The following MGAT5 variants were observed in gnomAD, a reference collection of about 807,000 sequenced individuals.
MGAT5 encodes alpha-1,6-mannosylglycoprotein 6-beta-N-acetylglucosaminyltransferase A.
Under a neutral mutation model 94.3 loss-of-function variants are expected in MGAT5, and 30 were observed. That is an observed-to-expected ratio of 0.32 (90% CI 0.24 to 0.43). The LOEUF (loss-of-function observed/expected upper bound fraction) is 0.43, where lower values mean the gene tolerates loss of function less well. MGAT5 is among the 20% of genes least tolerant of loss of function. The pLI is 1.00. For synonymous variants in MGAT5, 310 were observed against 322.9 expected, an observed-to-expected ratio of 0.96 and a Z score of 0.43; for missense variants, 691 against 905.5, an observed-to-expected ratio of 0.76 and a Z score of 3.04.
chr2:134,346,145 G>A (rs1688914219), intron 8 of MGAT5, among the ~76,000 whole-genome samples: 1 of 152,096 alleles, frequency 6.6e-6, no homozygotes, highest in Non-Finnish European at 1.5e-5. Flanking sequence ...CTACCATTTT[G>A]TAAACGGCAG....
intron 10 of MGAT5, among the ~76,000 whole-genome samples, chr2:134,370,545 A>G (rs1331816881): frequency 6.6e-6 from 1 of 152,272 alleles, no homozygotes; most frequent in Non-Finnish European, 1.5e-5. Context: ...GGTAAAAGTC[A>G]GAAAAGATCT....
chr2:134,216,067 C>T (rs1680480506), intron 1 of MGAT5, among the ~76,000 whole-genome samples: 1 of 152,088 alleles, frequency 6.6e-6, no homozygotes, highest in East Asian at 1.9e-4. Flanking sequence ...CTGATGTGTT[C>T]CATTAGATTC....
chr2:134,259,623 C>A (rs1240834321), intron 1 of MGAT5, among the ~76,000 whole-genome samples: 2 of 152,166 alleles, frequency 1.3e-5, no homozygotes, highest in Non-Finnish European at 2.9e-5. Flanking sequence ...TTGCCTGCTG[C>A]CTGTTTCCTC....
intron 1 of MGAT5, among the ~76,000 whole-genome samples, chr2:134,189,478 G>A (rs1358720617): frequency 6.6e-6 from 1 of 152,058 alleles, no homozygotes; most frequent in Non-Finnish European, 1.5e-5. Context: ...CCTGGGAAGG[G>A]CTTCTTGGGA....
intron 2 of MGAT5, among the ~76,000 whole-genome samples, chr2:134,300,610 A>C (rs1685958044): frequency 6.6e-6 from 1 of 152,160 alleles, no homozygotes; most frequent in Admixed American, 6.5e-5. Context: ...TACAATTTCC[A>C]AGATGAAGAT....
chr2:134,187,708 A>G (rs1449351318), intron 1 of MGAT5, among the ~76,000 whole-genome samples: 1 of 152,264 alleles, frequency 6.6e-6, no homozygotes, highest in African/African-American at 2.4e-5. Context: ...TGCTGCAGGC[A>G]GCAAATGTTC....
chr2:134,355,240 A>G lies in MGAT5; in HGVS notation c.1246+5302A>G, dbSNP rs543365460. 2.0e-5 allele frequency among the ~76,000 whole-genome samples: 3 copies of G among 152,384 alleles called. No homozygotes were observed. The East Asian group carries it at 5.8e-4, about 29-fold the overall frequency. ...TCCTCCCACTGAAAAAGGCTCCCCT[A>G]ACCCTGGTGTAACTTTTATCTTTTT... On this transcript the variant is annotated intron_variant, in intron 9 of 15. Coordinates refer to ENST00000281923, the MANE Select transcript of MGAT5 (RefSeq NM_002410.5).
intron 1 of MGAT5, among the ~76,000 whole-genome samples, chr2:134,246,048 A>G (rs1682240824): frequency 6.6e-6 from 1 of 152,072 alleles, no homozygotes; most frequent in Non-Finnish European, 1.5e-5. Flanking sequence ...TATTCCCAAG[A>G]TAGCAAAGGT....
At chr2:134,191,400 G>C (rs948589778) in intron 1 of MGAT5, among the ~76,000 whole-genome samples, 1 of 152,160 alleles carries the variant, frequency 6.6e-6, no homozygotes, top group Non-Finnish European at 1.5e-5. Context: ...TCGCGGGAGC[G>C]CGTGGGTTAT....
At chr2:134,366,705 C>T (rs920900491) in intron 10 of MGAT5, among the ~76,000 whole-genome samples, 3 of 152,158 alleles carry the variant, frequency 2.0e-5, no homozygotes, top group Admixed American at 6.5e-5. Context: ...TGGGATGAGA[C>T]GGAGACTCTT....
chr2:134,319,273 A>T (rs2105905539), intron 4 of MGAT5, among the ~76,000 whole-genome samples: 1 of 152,300 alleles, frequency 6.6e-6, no homozygotes, highest in South Asian at 2.1e-4. Flanking sequence ...ATTTTATACC[A>T]ACAGTGTGCA....
At chr2:134,327,421 A>G (rs893028201) in intron 4 of MGAT5, among the ~76,000 whole-genome samples, 6 of 152,080 alleles carry the variant, frequency 3.9e-5, no homozygotes, top group Non-Finnish European at 1.5e-5. Flanking sequence ...GCTATTAAGC[A>G]AAATGAGGGT....
chr2:134,351,222 C>A lies in MGAT5; in HGVS notation c.1246+1284C>A, dbSNP rs958864725. 1.4e-4 allele frequency among the ~76,000 whole-genome samples: 21 copies of A among 152,092 alleles called. 1 individual carries two copies. The highest frequency in any genetic ancestry group is 4.4e-5 in the Non-Finnish European group (3 of 68,024). On this transcript the variant is annotated intron_variant, in intron 9 of 15. Transcript: ENST00000281923. ...CGTCCCTGGGGCACAGTTCATGGAG[C>A]AAATTGATTTTTGGCACGTTAGATA...
intron 1 of MGAT5, among the ~76,000 whole-genome samples, chr2:134,137,797 GTTACA>G (rs990312996): frequency 2.6e-5 from 4 of 151,238 alleles, no homozygotes; most frequent in African/African-American, 7.3e-5. Context: ...TATTGAGGCA[GTTACA>G]TTACATTATA....
chr2:134,390,230 G>T (rs190860216), intron 10 of MGAT5, among the ~76,000 whole-genome samples: 1 of 152,122 alleles, frequency 6.6e-6, no homozygotes, highest in African/African-American at 2.4e-5. Context: ...GGATCATCTC[G>T]TGCATCCCCT....
At chr2:134,439,088 T>G (rs940869664) in intron 14 of MGAT5, among the ~76,000 whole-genome samples, 1 of 152,110 alleles carries the variant, frequency 6.6e-6, no homozygotes, top group Non-Finnish European at 1.5e-5. Flanking sequence ...GGATCCTTGA[T>G]TTAAGGAGAC....
chr2:134,239,303 C>CT (rs1681839410), intron 1 of MGAT5, among the ~76,000 whole-genome samples: 1 of 149,380 alleles, frequency 6.7e-6, no homozygotes, highest in Non-Finnish European at 1.5e-5. Context: ...CAGCCCTGTT[C>CT]TTTTCTGCTC....
At position 134,348,667 on chromosome 2, in the gene MGAT5, A is replaced by G. The variant is rs76629041; in HGVS notation, c.1113-1138A>G. Among the ~76,000 whole-genome samples the G allele has an allele frequency of 2.5e-3, 375 of 152,308 alleles. 2 individuals are homozygous for G. The highest frequency in any genetic ancestry group is 3.8e-3 in the Non-Finnish European group (261 of 68,020). On this transcript the variant is annotated intron_variant, in intron 8 of 15. Coordinates refer to ENST00000281923, the MANE Select transcript of MGAT5 (RefSeq NM_002410.5). ...ATCTGATTCTAAAATGTGGGTTTCA[A>G]TCTTTACTTTTATGCTTCTTAGTCT...
At chr2:134,338,122 G>A (rs1327844929) in intron 5 of MGAT5, 137 bp from the exon 6 acceptor site, 1 of 691,330 alleles carries the variant, frequency 1.4e-6, no homozygotes, top group South Asian at 2.4e-5. Flanking sequence ...AGTCAAAGCT[G>A]CAGCAGACAA....
Sources: allele counts gnomAD v4.1 joint callset (sites outside exome capture counted in the v4.1 genomes callset), GRCh38; gene constraint gnomAD v4.1.1; transcripts MANE v1.5; gene names NCBI Gene and HGNC (gene_info 2026-07-23, HGNC 2026-07-21).